The following CD101 variants were observed in gnomAD, a reference collection of about 807,000 sequenced individuals.
CD101 encodes immunoglobulin superfamily member 2.
Under a neutral mutation model 98.2 loss-of-function variants are expected in CD101, and 76 were observed. The observed-to-expected ratio is 0.77, with a 90% CI of 0.64 to 0.94. CD101 has a LOEUF of 0.94. Among genes scored for constraint, CD101 ranks in the 40% least tolerant of loss-of-function variants. CD101 has a pLI of 0.00. For missense variants in CD101, 1,145 were observed against 1,218.8 expected (o/e 0.94, Z 0.90); for synonymous variants, 471 against 472.7 (o/e 1.00, Z 0.05).
chr1:117,030,466 AAAAG>A (rs964626938), intron 8 of CD101, among the ~76,000 whole-genome samples: 11 of 151,706 alleles, frequency 7.3e-5, no homozygotes, highest in East Asian at 2.0e-4. Flanking sequence ...AAGAAAGAAA[AAAAG>A]AGAGAGAGAA....
intron 8 of CD101, among the ~76,000 whole-genome samples, chr1:117,029,235 A>AAG (rs1654253524): frequency 7.2e-6 from 1 of 139,116 alleles, no homozygotes; most frequent in African/African-American, 3.1e-5. Flanking sequence ...GAAAGAAAGA[A>AAG]AGAAAGAAAG....
rs1337994693 is a variant in CD101, at chr1:117,033,690, T to TC, written c.2825-165dup. Among the ~76,000 whole-genome samples the TC allele has an allele frequency of 1.3e-5, 2 of 152,134 alleles. No homozygotes were observed. Among genetic ancestry groups the TC allele is most frequent in the African/African-American group, 4.8e-5 (2 of 41,424 alleles). On this transcript the variant is annotated intron_variant, in intron 8 of 9. Coordinates refer to ENST00000682167, the MANE Select transcript of CD101 (RefSeq NM_001256106.3). This position sits in a 1 kb window ranked among gnomAD's most constrained non-coding sequence, Gnocchi z 4.8. Reference sequence around the variant, plus strand: ...GAAGAGCCTGTTCCAGGAGCTCTCTTCCCCCAGTGCTCTGTCCTGTGCTCC... The same window carrying TC: ...GAAGAGCCTGTTCCAGGAGCTCTCTTCCCCCCAGTGCTCTGTCCTGTGCTCC...
chr1:117,024,498 T>A (rs4659346), intron 7 of CD101, among the ~76,000 whole-genome samples: 72 of 1,032 alleles, frequency 0.07, no homozygotes, highest in African/African-American at 0.081. Flanking sequence ...AAAATAAAAA[T>A]AAATAAATAA....
intron 8 of CD101, among the ~76,000 whole-genome samples, chr1:117,029,136 A>AAAG (rs1654159338): frequency 1.4e-5 from 1 of 71,396 alleles, no homozygotes. Context: ...CATCAGAAAG[A>AAAG]AAGAAAGAAA....
intron 9 of CD101, 128 bp downstream of exon 9, chr1:117,034,262 A>T (rs1654659264): frequency 1.3e-6 from 1 of 798,262 alleles, no homozygotes; most frequent in African/African-American, 1.7e-5. Context: ...TATTGGTTCT[A>T]CGCACTGTTA....
chr1:117,005,978 A>T lies in CD101; in HGVS notation c.44-3872A>T, dbSNP rs546019035. On this transcript the variant is annotated intron_variant, in intron 1 of 9. Coordinates refer to ENST00000682167, the MANE Select transcript of CD101 (RefSeq NM_001256106.3). This position sits in a 1 kb window ranked among gnomAD's most constrained non-coding sequence, Gnocchi z 4.4. ...TGTAAATATAAATATCTATATTTAAATATTTCAAAATGTTTGCTGGATATC... is the reference window on the plus strand; with the variant it reads ...TGTAAATATAAATATCTATATTTAATTATTTCAAAATGTTTGCTGGATATC... Among the ~76,000 whole-genome samples the T allele has an allele frequency of 2.0e-5, 3 of 152,184 alleles. No individual in the cohort carries two copies. In the East Asian group the frequency reaches 5.8e-4, roughly 29 times the overall value.
At position 117,007,602 on chromosome 1, in the gene CD101, C is replaced by T. The variant is rs1652613587; in HGVS notation, c.44-2248C>T. Among the ~76,000 whole-genome samples the T allele has an allele frequency of 2.6e-5, 4 of 152,162 alleles. No individual in the cohort carries two copies. In the South Asian group the frequency reaches 8.3e-4, roughly 31 times the overall value. ...CCCTCAAGTGATCTGCCCACCTTGG[C>T]CTCCCAAAGAGCTAGGATTACAGGC... On this transcript the variant is annotated intron_variant, in intron 1 of 9. Coordinates refer to ENST00000682167, the MANE Select transcript of CD101 (RefSeq NM_001256106.3).
chr1:117,029,242 AAAGAAAGAAAG>A (rs1423031636), intron 8 of CD101, among the ~76,000 whole-genome samples: 2 of 146,710 alleles, frequency 1.4e-5, no homozygotes, highest in East Asian at 3.9e-4. Context: ...AGAAAGAAAG[AAAGAAAGAAAG>A]AAAGAAAGAA....
chr1:117,033,793 T>C lies in CD101; in HGVS notation c.2825-67T>C. The C allele has an allele frequency of 2.5e-6, 4 of 1,596,396 alleles. No homozygotes were observed. The highest frequency in any genetic ancestry group is 3.4e-6 in the Non-Finnish European group (4 of 1,169,346). ...TGCCTATAACAATAAATCCCAGGAG[T>C]GTTTGTAATTGACTAGTACAAATAA... On this transcript the variant is annotated intron_variant, in intron 8 of 9. Transcript: ENST00000682167. The surrounding 1 kb of genome is among the most constrained non-coding windows in gnomAD (Gnocchi z 4.8).
rs938018993 is a variant in CD101, at chr1:117,023,442, G to A, written c.2428+1459G>A. Reference sequence around the variant, plus strand: ...TCTTCTTTTTCTTTTTTTTTAGACGGAGTCTTGCTCTGTTGCTCAGGCTGG... The same window carrying A: ...TCTTCTTTTTCTTTTTTTTTAGACGAAGTCTTGCTCTGTTGCTCAGGCTGG... On this transcript the variant is annotated intron_variant, in intron 7 of 9. Coordinates refer to ENST00000682167, the MANE Select transcript of CD101 (RefSeq NM_001256106.3). This position sits in a 1 kb window ranked among gnomAD's most constrained non-coding sequence, Gnocchi z 4.4. Among the ~76,000 whole-genome samples the A allele has an allele frequency of 4.0e-5, 6 of 151,730 alleles. No individual in the cohort carries two copies. The highest frequency in any genetic ancestry group is 9.7e-5 in the African/African-American group (4 of 41,280).
At chr1:117,014,890 C>G (rs1182177812) in intron 4 of CD101, among the ~76,000 whole-genome samples, 1 of 152,166 alleles carries the variant, frequency 6.6e-6, no homozygotes, top group Non-Finnish European at 1.5e-5. Flanking sequence ...AACATTTGGT[C>G]TGACTTTCTA....
In CD101 at chr1:117,033,970, T is replaced by C. The variant is rs1277182885; in HGVS notation, c.2935T>C (p.Trp979Arg). 4 of 1,614,066 alleles carry C rather than the reference T, an allele frequency of 2.5e-6. No homozygotes were observed. The African/African-American group carries it at 4.0e-5, about 16-fold the overall frequency. ...LLLISLLCLYWKARKLSTLRS... is the reference protein window; with the variant it reads ...LLLISLLCLYRKARKLSTLRS... ...GCTCATCTCCCTCCTCTGCTTATACTGGAAGGCCAGGAAGTTGTCAACACT... is the reference window on the plus strand; with the variant it reads ...GCTCATCTCCCTCCTCTGCTTATACCGGAAGGCCAGGAAGTTGTCAACACT... Residue 979 changes from tryptophan (W) to arginine (R), a missense_variant, in exon 9 of 10, where the codon TGG (tryptophan) becomes CGG (arginine). Coordinates refer to ENST00000682167, the MANE Select transcript of CD101 (RefSeq NM_001256106.3). This position sits in a 1 kb window ranked among gnomAD's most constrained non-coding sequence, Gnocchi z 4.8.
rs1005250856 is a variant in CD101 at position 117,036,019 on chromosome 1, A to T, written c.*34-149A>T. On this transcript the variant is annotated intron_variant, in intron 9 of 9. Coordinates refer to ENST00000682167, the MANE Select transcript of CD101 (RefSeq NM_001256106.3). The surrounding 1 kb of genome is among the most constrained non-coding windows in gnomAD (Gnocchi z 5.0). Reference sequence around the variant, plus strand: ...CACCCCATCCCTCCTCTCTGCTCACATGGACACCTCCTTCAAGCTTCTAGC... The same window carrying T: ...CACCCCATCCCTCCTCTCTGCTCACTTGGACACCTCCTTCAAGCTTCTAGC... 2.6e-5 allele frequency: 4 copies of T among 152,530 alleles called. No individual in the cohort carries two copies. The highest frequency in any genetic ancestry group is 9.7e-5 in the African/African-American group (4 of 41,444). The allele number at this position is 152,530 out of a possible 1,614,324, so 9.4% of individuals were successfully genotyped here.
Position 117,011,883 on chromosome 1 carries a change from A to G in CD101, c.758A>G (p.Glu253Gly). The change falls in exon 3 of 10, where the codon GAA (glutamate) becomes GGA (glycine). Residue 253 changes from glutamate to glycine, a missense_variant. Coordinates refer to ENST00000682167, the MANE Select transcript of CD101 (RefSeq NM_001256106.3). ...DQGQLFCEAT[E>G]WIQDPDETWM... ...GGTCAGCTGTTCTGTGAGGCAACGG[A>G]ATGGATTCAGGATCCAGATGAAACT... 6.2e-7 allele frequency: 1 copy of G among 1,614,138 alleles called. No homozygotes were observed. Among genetic ancestry groups the G allele is most frequent in the Non-Finnish European group, 8.5e-7 (1 of 1,180,014 alleles).
intron 8 of CD101, among the ~76,000 whole-genome samples, chr1:117,030,822 C>T (rs780009288): frequency 1.3e-4 from 20 of 152,158 alleles, no homozygotes; most frequent in Non-Finnish European, 2.6e-4. Context: ...AGTTGGCAGC[C>T]CCCTCTTTAT....
rs999898412 is a variant in CD101 at position 117,009,849 on chromosome 1, G to A, written c.44-1G>A. The A allele has an allele frequency of 6.3e-7, 1 of 1,590,334 alleles. No homozygotes were observed. Among genetic ancestry groups the A allele is most frequent in the East Asian group, 2.3e-5 (1 of 44,314 alleles). On this transcript the variant is annotated splice_acceptor_variant, in intron 1 of 9. Transcript: ENST00000682167. LOFTEE classifies it high-confidence loss of function. ...TCCCCTTTCTTTCTCCTACTTACAAGCTAAGCTCAGCATTGGCCAGAGAGA... is the reference window on the plus strand; with the variant it reads ...TCCCCTTTCTTTCTCCTACTTACAAACTAAGCTCAGCATTGGCCAGAGAGA...
rs1652849960 is a variant in CD101 at position 117,010,918 on chromosome 1, C to T, written c.425-632C>T. Among the ~76,000 whole-genome samples, 1 of 152,196 alleles carries T rather than the reference C, an allele frequency of 6.6e-6. No individual in the cohort carries two copies. Among genetic ancestry groups the T allele is most frequent in the Non-Finnish European group, 1.5e-5 (1 of 68,036 alleles). On this transcript the variant is annotated intron_variant, in intron 2 of 9. Transcript: ENST00000682167. This position sits in a 1 kb window ranked among gnomAD's most constrained non-coding sequence, Gnocchi z 5.2. ...TTGTATGCCTCTTTCCCACCACATC[C>T]TCAGCTTCTACTCAGTGGCTAGCAC...
chr1:117,011,541 T>A lies in CD101; in HGVS notation c.425-9T>A. 6.2e-7 allele frequency: 1 copy of A among 1,607,870 alleles called. No homozygotes were observed. The highest frequency in any genetic ancestry group is 8.5e-7 in the Non-Finnish European group (1 of 1,177,040). ...GCCAGTCACATTATTATCATTCCTT[T>A]GTTTCCAGTTATTCCAGATACCCTC... On this transcript the variant is annotated splice_polypyrimidine_tract_variant and intron_variant, in intron 2 of 9. Transcript: ENST00000682167.
Position 117,021,994 on chromosome 1 carries a change from C to T in CD101, c.2428+11C>T, listed in dbSNP as rs200688077. ...AACTCAAGCCCACAGGTAAACCTTG[C>T]GAGTGTATCCTCACAATGTCTGTCT... On this transcript the variant is annotated intron_variant, in intron 7 of 9. Coordinates refer to ENST00000682167, the MANE Select transcript of CD101 (RefSeq NM_001256106.3). The surrounding 1 kb of genome is among the most constrained non-coding windows in gnomAD (Gnocchi z 4.7). The T allele has an allele frequency of 1.4e-5, 23 of 1,588,092 alleles. No individual in the cohort carries two copies. The African/African-American group carries it at 2.2e-4, about 15-fold the overall frequency.
Sources: gnomAD v4.1 joint callset for allele counts (sites outside exome capture counted in the v4.1 genomes callset) on GRCh38, gnomAD v4.1.1 for gene constraint, Gnocchi (gnomAD v3.1) non-coding constraint, MANE v1.5 for transcripts, NCBI Gene and HGNC (gene_info 2026-07-23, HGNC 2026-07-21) for gene names.